The following ATP2C1 variants were observed in gnomAD, a reference collection of about 807,000 sequenced individuals.
ATP2C1 encodes the protein calcium-transporting ATPase type 2C member 1.
Under a neutral mutation model 120.5 loss-of-function variants are expected in ATP2C1, and 31 were observed. The ratio of observed to expected loss-of-function variants is 0.26; its 90% confidence interval spans 0.19 to 0.35. ATP2C1 has a LOEUF of 0.35. Among genes scored for constraint, ATP2C1 ranks in the 10% least tolerant of loss-of-function variants. ATP2C1 has a pLI of 1.00. For synonymous variants in ATP2C1, 351 were observed against 358.7 expected, an observed-to-expected ratio of 0.98 and a Z score of 0.24; for missense variants, 731 against 1,107.5, an observed-to-expected ratio of 0.66 and a Z score of 4.83.
chr3:130,979,216 TTTG>T (rs1309180434), intron 18 of ATP2C1, 30 bp from the exon 19 acceptor site: 3 of 1,610,928 alleles, frequency 1.9e-6, no homozygotes, highest in East Asian at 4.5e-5. Context: ...CTCACTTTTT[TTTG>T]TTGTTGTTTG....
At chr3:130,893,522 T>A (rs755688889), upstream of ATP2C1, among the ~76,000 whole-genome samples, 1 of 152,188 alleles carries the variant, frequency 6.6e-6, no homozygotes, top group African/African-American at 2.4e-5. Flanking sequence ...CTCGGGAGGC[T>A]GCTCACGGTG....
At chr3:130,934,988 A>T (rs1056240809) in intron 5 of ATP2C1, among the ~76,000 whole-genome samples, 6 of 152,052 alleles carry the variant, frequency 3.9e-5, no homozygotes, top group African/African-American at 7.2e-5. Context: ...GTATGCTAAC[A>T]CCCCCAGCAA....
intron 20 of ATP2C1, among the ~76,000 whole-genome samples, chr3:130,990,090 T>A (rs1049367540): frequency 1.3e-5 from 2 of 152,234 alleles, no homozygotes; most frequent in African/African-American, 2.4e-5. Context: ...ATACTTTTTT[T>A]ATTTAGACCT....
intron 11 of ATP2C1, among the ~76,000 whole-genome samples, chr3:130,958,098 A>G (rs995936300): frequency 1.3e-5 from 2 of 152,220 alleles, no homozygotes; most frequent in Non-Finnish European, 2.9e-5. Flanking sequence ...TATTAGCACT[A>G]TACCATAAAC....
chr3:130,998,731 A>G (rs1309659424), intron 26 of ATP2C1, among the ~76,000 whole-genome samples: 3 of 152,220 alleles, frequency 2.0e-5, no homozygotes, highest in African/African-American at 7.2e-5. Context: ...TATTAGTCTC[A>G]TTTTAAAAGA....
chr3:130,992,138 A>G (rs1166560629), intron 20 of ATP2C1, among the ~76,000 whole-genome samples: 2 of 152,228 alleles, frequency 1.3e-5, no homozygotes, highest in Admixed American at 6.5e-5. Flanking sequence ...CTCATCTGAC[A>G]TTCAGAACTG....
intron 27 of ATP2C1, among the ~76,000 whole-genome samples, chr3:131,000,339 A>G (rs2062826161): frequency 1.3e-5 from 2 of 152,218 alleles, no homozygotes; most frequent in Non-Finnish European, 2.9e-5. Flanking sequence ...TTAAAATTGA[A>G]CTAGTTGAAT....
intron 1 of ATP2C1, among the ~76,000 whole-genome samples, chr3:130,883,919 C>A (rs557379686): frequency 1.5e-5 from 2 of 136,362 alleles, no homozygotes; most frequent in Non-Finnish European, 3.1e-5. Context: ...AATTTCTTTT[C>A]TTTCTTTCTT....
At chr3:131,013,122 C>A (rs1196623263) in intron 26 of ATP2C1, among the ~76,000 whole-genome samples, 1 of 152,122 alleles carries the variant, frequency 6.6e-6, no homozygotes, top group African/African-American at 2.4e-5. Flanking sequence ...CTACTTGGTT[C>A]TCTTTATTTT....
Position 130,894,183 on chromosome 3 carries a change from T to G in ATP2C1, c.-335T>G, listed in dbSNP as rs1315802362. The G allele has an allele frequency of 4.0e-6, 2 of 501,814 alleles. No homozygotes were observed. The highest frequency in any genetic ancestry group is 2.5e-5 in the African/African-American group (1 of 40,080). The allele number at this position is 501,814 out of a possible 1,614,324, so 31.1% of individuals were successfully genotyped here. On this transcript the variant is annotated 5_prime_UTR_variant, in exon 1 of 28. Coordinates refer to ENST00000510168, the MANE Select transcript of ATP2C1 (RefSeq NM_001378687.1). This position sits in a 1 kb window ranked among gnomAD's most constrained non-coding sequence, Gnocchi z 4.5. ...CGCCCGCCCTCTCTCCCTCCCTTCC[T>G]CCCTCCCGCTCGCTTCTTCTCACGC...
At chr3:130,899,767 T>C (rs1411515468) in intron 2 of ATP2C1, 1 of 152,220 alleles carries the variant, frequency 6.6e-6, no homozygotes, top group Non-Finnish European at 1.5e-5. Context: ...TCCTAGATTA[T>C]AGACAGAAGA....
chr3:130,978,896 C>T (rs1576968534), intron 18 of ATP2C1, among the ~76,000 whole-genome samples: 1 of 152,062 alleles, frequency 6.6e-6, no homozygotes, highest in Admixed American at 6.5e-5. Flanking sequence ...CCTAACAAAC[C>T]CATAGTTTCT....
At chr3:130,865,678 G>A (rs1236130118) in intron 1 of ATP2C1, among the ~76,000 whole-genome samples, 1 of 152,132 alleles carries the variant, frequency 6.6e-6, no homozygotes, top group African/African-American at 2.4e-5. Flanking sequence ...TTTATCAGGG[G>A]TTTCTGCTTT....
chr3:130,859,043 A>C (rs1243409735), intron 1 of ATP2C1, among the ~76,000 whole-genome samples: 1 of 152,200 alleles, frequency 6.6e-6, no homozygotes, highest in African/African-American at 2.4e-5. Flanking sequence ...ATGTTGTGGC[A>C]ATGGTTTCTG....
upstream of ATP2C1, among the ~76,000 whole-genome samples, chr3:130,890,797 A>C (rs1250230013): frequency 6.6e-6 from 1 of 152,258 alleles, no homozygotes; most frequent in Non-Finnish European, 1.5e-5. Context: ...ATAAAACTAT[A>C]GTTTTCTAAA....
At chr3:130,976,870 A>G (rs1167873883) in intron 18 of ATP2C1, among the ~76,000 whole-genome samples, 1 of 152,208 alleles carries the variant, frequency 6.6e-6, no homozygotes, top group Non-Finnish European at 1.5e-5. Flanking sequence ...CAAATGTACA[A>G]TTGCCAACTG....
At chr3:130,979,554 G>A (rs1411669297) in intron 19 of ATP2C1, 135 bp downstream of exon 19, 4 of 1,008,530 alleles carry the variant, frequency 4.0e-6, no homozygotes, top group Non-Finnish European at 5.9e-6. Context: ...TCATGGTTTT[G>A]CTCATGGTCT....
At chr3:130,970,785 C>G (rs1357947252) in intron 17 of ATP2C1, among the ~76,000 whole-genome samples, 1 of 152,068 alleles carries the variant, frequency 6.6e-6, no homozygotes, top group African/African-American at 2.4e-5. Flanking sequence ...GCATGTGATA[C>G]CTATGATTAC....
chr3:130,918,293 C>G, intron 2 of ATP2C1: 1 of 1,554,086 alleles, frequency 6.4e-7, no homozygotes, highest in East Asian at 2.3e-5. Flanking sequence ...TGCATAGCAC[C>G]CTTTACAATA....
Sources: gnomAD v4.1 joint callset for allele counts (sites outside exome capture counted in the v4.1 genomes callset) on GRCh38, gnomAD v4.1.1 for gene constraint, Gnocchi (gnomAD v3.1) non-coding constraint, MANE v1.5 for transcripts, NCBI Gene and HGNC (gene_info 2026-07-23, HGNC 2026-07-21) for gene names.